MAP3K7CL: variants seen among roughly 807,000 people sequenced by gnomAD.
The protein encoded by MAP3K7CL is MAP3K7 C-terminal like, also known as MAP3K7 C-terminal-like protein.
MAP3K7CL carries 16 observed loss-of-function variants against 18.6 expected under a neutral mutation model. The ratio of observed to expected loss-of-function variants is 0.86; its 90% CI spans 0.58 to 1.31. The LOEUF is 1.31. Ranked by LOEUF, MAP3K7CL falls within the 50% of genes most tolerant of loss-of-function variation. MAP3K7CL has a pLI of 0.00. For missense variants in MAP3K7CL, 163 were observed against 174.4 expected (o/e 0.93, Z 0.37); for synonymous variants, 65 against 66.8 (o/e 0.97, Z 0.13).
chr21:29,158,917 C>CTTTTTT (rs36003464), intron 3 of MAP3K7CL, among the ~76,000 whole-genome samples: 4 of 100,434 alleles, frequency 4.0e-5, no homozygotes, highest in Non-Finnish European at 5.8e-5. Flanking sequence ...AAAAGTAGTA[C>CTTTTTT]TTTTTTTTTT....
chr21:29,085,378 T>C (rs2085905943), upstream of MAP3K7CL, among the ~76,000 whole-genome samples: 2 of 152,046 alleles, frequency 1.3e-5, no homozygotes, highest in African/African-American at 4.8e-5. Flanking sequence ...TCATTGGCTA[T>C]GAATAAACAA....
intron 1 of MAP3K7CL, among the ~76,000 whole-genome samples, chr21:29,087,888 C>A (rs955531119): frequency 6.6e-6 from 1 of 151,882 alleles, no homozygotes; most frequent in Admixed American, 6.6e-5. Flanking sequence ...CCACCGCGCC[C>A]GGTCGTGCTC....
At chr21:29,154,913 T>G (rs2087363082) in intron 3 of MAP3K7CL, among the ~76,000 whole-genome samples, 1 of 152,224 alleles carries the variant, frequency 6.6e-6, no homozygotes, top group Non-Finnish European at 1.5e-5. Context: ...GAAGCTCAGT[T>G]GTCATTTAGG....
At chr21:29,131,965 C>G (rs1440898510) in intron 1 of MAP3K7CL, among the ~76,000 whole-genome samples, 1 of 152,164 alleles carries the variant, frequency 6.6e-6, no homozygotes, top group Admixed American at 6.5e-5. Flanking sequence ...AAGCATTTCC[C>G]AGAATCTCTT....
chr21:29,159,771 A>G (rs1446486852), intron 3 of MAP3K7CL, among the ~76,000 whole-genome samples, 170 bp from the exon 4 acceptor site: 4 of 152,114 alleles, frequency 2.6e-5, no homozygotes, highest in South Asian at 2.1e-4. Context: ...ATTTTCAGTC[A>G]AATAGAATCA....
exon 4 of MAP3K7CL, chr21:29,092,478 G>A (rs2086045583): frequency 1.2e-6 from 2 of 1,614,202 alleles, no homozygotes; most frequent in Non-Finnish European, 1.7e-6. Flanking sequence ...TGGCCATGTT[G>A]GAGGACAATC....
rs140197418 is a variant in MAP3K7CL at position 29,154,051 on chromosome 21, T to A, written c.132+4801T>A. ...AGCATTGGGTTGGCCTGGATTTGGATCTCAGCTAAATTTGTGATTTCCAGC... is the reference window on the plus strand; with the variant it reads ...AGCATTGGGTTGGCCTGGATTTGGAACTCAGCTAAATTTGTGATTTCCAGC... On this transcript the variant is annotated intron_variant, in intron 3 of 4. Coordinates refer to ENST00000399928, the MANE Select transcript of MAP3K7CL (RefSeq NM_001286620.2). Among the ~76,000 whole-genome samples, 12 of 152,306 alleles carry A rather than the reference T, an allele frequency of 7.9e-5. 1 individual carries two copies. In the East Asian group the frequency reaches 2.3e-3, roughly 29 times the overall value.
chr21:29,143,491 C>T (rs959796993), intron 2 of MAP3K7CL, among the ~76,000 whole-genome samples: 8 of 151,582 alleles, frequency 5.3e-5, no homozygotes, highest in African/African-American at 9.7e-5. Flanking sequence ...TGCGCAATCT[C>T]GGCTCACTGC....
At chr21:29,098,583 T>C (rs1033349472) in intron 4 of MAP3K7CL, among the ~76,000 whole-genome samples, 25 of 152,258 alleles carry the variant, frequency 1.6e-4, no homozygotes, top group Non-Finnish European at 1.8e-4. Context: ...AGCGATCTTC[T>C]TTAATCTTTA....
intron 1 of MAP3K7CL, among the ~76,000 whole-genome samples, chr21:29,090,799 T>G (rs1342331755): frequency 6.6e-6 from 1 of 151,752 alleles, no homozygotes; most frequent in Admixed American, 6.6e-5. Context: ...CGGGACTTCG[T>G]TTTTTTTCTT....
At chr21:29,097,306 A>G (rs988934046) in intron 4 of MAP3K7CL, among the ~76,000 whole-genome samples, 2 of 152,122 alleles carry the variant, frequency 1.3e-5, no homozygotes, top group Admixed American at 1.3e-4. Context: ...AAGAAACTGA[A>G]GTGTCTATAA....
upstream of MAP3K7CL, among the ~76,000 whole-genome samples, chr21:29,128,767 G>A (rs1295667936): frequency 6.6e-6 from 1 of 152,132 alleles, no homozygotes; most frequent in Non-Finnish European, 1.5e-5. Flanking sequence ...GTCAAATCGG[G>A]ATGGCAATAC....
intron 4 of MAP3K7CL, among the ~76,000 whole-genome samples, chr21:29,164,233 G>A (rs2087628733): frequency 6.6e-6 from 1 of 152,148 alleles, no homozygotes. Context: ...TTACTGAAGT[G>A]GAAATTCATT....
At chr21:29,086,770 C>G (rs2085931947) in intron 1 of MAP3K7CL, among the ~76,000 whole-genome samples, 1 of 152,210 alleles carries the variant, frequency 6.6e-6, no homozygotes, top group South Asian at 2.1e-4. Flanking sequence ...ATAACTTGAC[C>G]CTGAGTTTTA....
At chr21:29,130,496 C>A, upstream of MAP3K7CL, 1 of 619,688 alleles carries the variant, frequency 1.6e-6, no homozygotes, top group Non-Finnish European at 2.0e-6. Context: ...ACGCTGAAGA[C>A]ATTCCTGTCT....
intron 4 of MAP3K7CL, among the ~76,000 whole-genome samples, chr21:29,163,615 C>T: frequency 6.6e-6 from 1 of 152,120 alleles, no homozygotes; most frequent in East Asian, 1.9e-4. Flanking sequence ...CCTCACTTCT[C>T]CCGGGGCAGG....
At chr21:29,124,207 AGCTGG>A (rs1178932999) in intron 4 of MAP3K7CL, among the ~76,000 whole-genome samples, 1 of 151,928 alleles carries the variant, frequency 6.6e-6, no homozygotes, top group Non-Finnish European at 1.5e-5. Context: ...TACAAAAATT[AGCTGG>A]GCGTGGTGGC....
chr21:29,079,790 A>C (rs2085806451), intron 1 of MAP3K7CL, among the ~76,000 whole-genome samples: 1 of 152,200 alleles, frequency 6.6e-6, no homozygotes, highest in Non-Finnish European at 1.5e-5. Flanking sequence ...GCTGTACTGG[A>C]GTGAGTAGCT....
chr21:29,154,895 T>G (rs752833656), intron 3 of MAP3K7CL, among the ~76,000 whole-genome samples: 9 of 152,240 alleles, frequency 5.9e-5, no homozygotes, highest in Non-Finnish European at 1.2e-4. Context: ...ATTTTTTGTT[T>G]GTTTTGAGAA....
Sources: allele counts gnomAD v4.1 joint callset (sites outside exome capture counted in the v4.1 genomes callset), GRCh38; gene constraint gnomAD v4.1.1; transcripts MANE v1.5; gene names NCBI Gene and HGNC (gene_info 2026-07-23, HGNC 2026-07-21).